CCDC158: variants seen among roughly 807,000 people sequenced by gnomAD.
CCDC158 encodes coiled-coil domain-containing protein 158.
Under a neutral mutation model 138.6 loss-of-function variants are expected in CCDC158, and 116 were observed. The observed-to-expected ratio is 0.84, with a 90% confidence interval of 0.72 to 0.98. The LOEUF is 0.98. Among genes scored for constraint, CCDC158 ranks in the 50% least tolerant of loss-of-function variants. The pLI, the probability that CCDC158 is intolerant of heterozygous loss-of-function variation, is 0.00. For synonymous variants in CCDC158, 436 were observed against 442.4 expected, an observed-to-expected ratio of 0.99 and a Z score of 0.18; for missense variants, 1,265 against 1,306.1, an observed-to-expected ratio of 0.97 and a Z score of 0.48.
chr4:76,402,049 C>T (rs543416873), intron 3 of CCDC158: 1 of 152,268 alleles, frequency 6.6e-6, no homozygotes, highest in African/African-American at 2.4e-5. Context: ...TGAGAATAAC[C>T]TCTGCATGCA....
chr4:76,356,300 A>C (rs1723555510), intron 14 of CCDC158, among the ~76,000 whole-genome samples: 1 of 152,176 alleles, frequency 6.6e-6, no homozygotes, highest in Non-Finnish European at 1.5e-5. Flanking sequence ...TCATTTGCTC[A>C]CCACTTTGAA....
chr4:76,397,723 T>A (rs1321984548), intron 3 of CCDC158, among the ~76,000 whole-genome samples: 1 of 152,202 alleles, frequency 6.6e-6, no homozygotes, highest in East Asian at 1.9e-4. Flanking sequence ...TGGTATTGGA[T>A]TTGAATTTGA....
chr4:76,407,078 G>C (rs2109885332), intron 2 of CCDC158: 1 of 152,224 alleles, frequency 6.6e-6, no homozygotes, highest in Middle Eastern at 3.4e-3. Context: ...GACCACTAAA[G>C]TGATGGGAAG....
chr4:76,415,067 G>A (rs886759519), intron 1 of CCDC158, among the ~76,000 whole-genome samples: 1 of 152,214 alleles, frequency 6.6e-6, no homozygotes, highest in African/African-American at 2.4e-5. Flanking sequence ...TAACAATATG[G>A]ACAATAAGGT....
In CCDC158 at chr4:76,367,342, T is replaced by A. The variant is rs774878880; in HGVS notation, c.1782A>T (p.Gln594His). 5 of 1,613,924 alleles carry A rather than the reference T, an allele frequency of 3.1e-6. No homozygotes were observed. The highest frequency in any genetic ancestry group is 4.2e-6 in the Non-Finnish European group (5 of 1,179,776). Residue 594 changes from glutamine (Q) to histidine (H), a missense_variant, in exon 12 of 25, where the codon CAA (glutamine) becomes CAT (histidine). Physicochemically the swap from Gln to His is conservative, Grantham distance 24 (BLOSUM62 0). Coordinates refer to ENST00000682701, the MANE Select transcript of CCDC158 (RefSeq NM_001394954.1). ...GCCTATCATTAATTTCTTTCTCCAG[T>A]TGAGCTTTTTCTACTTGCATAGCTC... ...TAGAMQVEKA[Q>H]LEKEINDRRM...
intron 9 of CCDC158, among the ~76,000 whole-genome samples, chr4:76,372,056 T>C (rs551971848): frequency 1.3e-5 from 2 of 152,272 alleles, no homozygotes; most frequent in Admixed American, 6.5e-5. Flanking sequence ...TTTAGTACTG[T>C]TGAATTTGGG....
intron 18 of CCDC158, 102 bp downstream of exon 18, chr4:76,350,894 G>A: frequency 9.7e-7 from 1 of 1,029,832 alleles, no homozygotes; most frequent in Non-Finnish European, 1.3e-6. Context: ...AATTGAAAAT[G>A]CTATGGATAT....
intron 16 of CCDC158, 132 bp downstream of exon 16, chr4:76,352,991 G>A (rs961031296): frequency 1.4e-6 from 1 of 690,834 alleles, no homozygotes; most frequent in Non-Finnish European, 2.3e-6. Context: ...TTTCCTTTGT[G>A]CTAGGTGATT....
intron 18 of CCDC158, chr4:76,344,883 G>A: frequency 4.5e-6 from 7 of 1,564,364 alleles, no homozygotes; most frequent in Non-Finnish European, 6.2e-6. Context: ...ACAAGAACTG[G>A]AAGCCTAAGT....
chr4:76,369,886 T>G (rs113092831), intron 10 of CCDC158, among the ~76,000 whole-genome samples: 1,813 of 152,332 alleles, frequency 0.012, 34 homozygotes, highest in African/African-American at 0.042. Flanking sequence ...CAGTAGATTT[T>G]AAAAGTCATC....
At chr4:76,313,378 T>C in intron 24 of CCDC158, 132 bp from the exon 25 acceptor site, 1 of 517,532 alleles carries the variant, frequency 1.9e-6, no homozygotes, top group Admixed American at 4.0e-5. Flanking sequence ...TTAAAAATTG[T>C]GATGTAGCAT....
intron 18 of CCDC158, among the ~76,000 whole-genome samples, chr4:76,347,895 G>A (rs2110158465): frequency 6.6e-6 from 1 of 152,192 alleles, no homozygotes; most frequent in South Asian, 2.1e-4. Context: ...ATTATCATGT[G>A]CCAATTTTTA....
chr4:76,382,235 C>T (rs1726329096), intron 8 of CCDC158, among the ~76,000 whole-genome samples: 1 of 152,072 alleles, frequency 6.6e-6, no homozygotes, highest in Admixed American at 6.6e-5. Flanking sequence ...TGTTTTCTGT[C>T]ATAATTGTAA....
chr4:76,401,548 C>A, intron 3 of CCDC158: 1 of 171,688 alleles, frequency 5.8e-6, no homozygotes, highest in South Asian at 1.4e-4. Flanking sequence ...TGAAGAGAAA[C>A]GGCCAAGCAA....
chr4:76,365,191 T>G (rs1222672672), intron 12 of CCDC158, among the ~76,000 whole-genome samples: 2 of 152,220 alleles, frequency 1.3e-5, no homozygotes, highest in East Asian at 3.8e-4. Context: ...AAAGTCACTC[T>G]GCTTCTCTGC....
intron 9 of CCDC158, among the ~76,000 whole-genome samples, chr4:76,376,343 T>G (rs551532342): frequency 3.9e-5 from 6 of 152,286 alleles, no homozygotes; most frequent in African/African-American, 1.4e-4. Context: ...GGATTATGGG[T>G]GTAAGCCACT....
intron 22 of CCDC158, among the ~76,000 whole-genome samples, chr4:76,326,836 C>T (rs552017326): frequency 5.3e-5 from 8 of 151,866 alleles, no homozygotes; most frequent in Non-Finnish European, 1.0e-4. Flanking sequence ...TTCAGAAAAA[C>T]AAAAATGGAG....
chr4:76,313,056 G>C lies in CCDC158; in HGVS notation c.*114C>G. 1 of 611,388 alleles carries C rather than the reference G, an allele frequency of 1.6e-6. No individual in the cohort carries two copies. Among genetic ancestry groups the C allele is most frequent in the East Asian group, 2.9e-5 (1 of 34,400 alleles). 37.9% of individuals were successfully genotyped at this position (611,388 alleles called of 1,614,324 possible). A position where few individuals can be genotyped will look rare whatever the true frequency, so the allele number is the denominator to read the frequency against. On this transcript the variant is annotated 3_prime_UTR_variant, in exon 25 of 25. Transcript: ENST00000682701. ...TTTCAAAATAGAGTTTACAAGACAG[G>C]GTATCTTTTATTAAATTTTCACATA...
At chr4:76,352,598 G>T (rs1723157300) in intron 16 of CCDC158, 1 of 152,158 alleles carries the variant, frequency 6.6e-6, no homozygotes, top group Non-Finnish European at 1.5e-5. Flanking sequence ...AGAGTTTCTA[G>T]GTGACAGGAA....
Sources: allele counts gnomAD v4.1 joint callset (sites outside exome capture counted in the v4.1 genomes callset), GRCh38; gene constraint gnomAD v4.1.1; transcripts MANE v1.5; gene names NCBI Gene and HGNC (gene_info 2026-07-23, HGNC 2026-07-21).